The following RAB3C variants were observed in gnomAD, a reference collection of about 807,000 sequenced individuals.
The protein encoded by RAB3C is RAB3C, member RAS oncogene family.
In RAB3C, 17 loss-of-function variants were observed where a neutral mutation model predicts 26.4. The ratio of observed to expected loss-of-function variants is 0.64; its 90% CI spans 0.44 to 0.97. RAB3C has a LOEUF of 0.97. Among genes scored for constraint, RAB3C ranks in the 50% least tolerant of loss-of-function variants. RAB3C has a pLI of 0.00. For missense variants in RAB3C, 242 were observed against 281.9 expected, an observed-to-expected ratio of 0.86 and a Z score of 1.01; for synonymous variants, 91 against 95.9, an observed-to-expected ratio of 0.95 and a Z score of 0.30.
At chr5:58,616,001 C>CACAT (rs1746818105) in intron 1 of RAB3C, among the ~76,000 whole-genome samples, 1 of 151,732 alleles carries the variant, frequency 6.6e-6, no homozygotes, top group Non-Finnish European at 1.5e-5. Context: ...CACACACACA[C>CACAT]ACACACACAC....
chr5:58,743,967 A>G (rs577767749), intron 3 of RAB3C, among the ~76,000 whole-genome samples: 1 of 152,314 alleles, frequency 6.6e-6, no homozygotes, highest in South Asian at 2.1e-4. Flanking sequence ...CCTTACCTCT[A>G]TGGCCAATAC....
Position 58,858,533 on chromosome 5 carries a change from C to G in RAB3C, c.*7182C>G, listed in dbSNP as rs1040989514. On this transcript the variant is annotated 3_prime_UTR_variant, in exon 5 of 5. Coordinates refer to ENST00000282878, the MANE Select transcript of RAB3C (RefSeq NM_138453.4). ...TAGGTTATGTCAGGGTATAGGAACA[C>G]AGAGAATGGGGGACCTGTAAGAACT... 6.6e-6 allele frequency: 1 copy of G among 152,112 alleles called. No homozygotes were observed. Among genetic ancestry groups the G allele is most frequent in the Non-Finnish European group, 1.5e-5 (1 of 68,050 alleles). 9.4% of individuals were successfully genotyped at this position (152,112 alleles called of 1,614,324 possible).
intron 3 of RAB3C, chr5:58,784,796 AC>A (rs532327172): frequency 6.6e-6 from 1 of 152,336 alleles, no homozygotes; most frequent in South Asian, 2.1e-4. Flanking sequence ...TCATTAGCAT[AC>A]TTCCATAGGC....
chr5:58,618,955 C>CA (rs1211302098), intron 2 of RAB3C, among the ~76,000 whole-genome samples: 27 of 151,934 alleles, frequency 1.8e-4, no homozygotes, highest in African/African-American at 5.8e-4. Context: ...AAGCTAAAAA[C>CA]AAAAAACAAA....
At position 58,586,312 on chromosome 5, in the gene RAB3C, C is replaced by T. The variant is rs997826904; in HGVS notation, c.24+3080C>T. Among the ~76,000 whole-genome samples, 6 of 152,024 alleles carry T rather than the reference C, an allele frequency of 3.9e-5. No individual in the cohort carries two copies. In the East Asian group the frequency reaches 5.8e-4, roughly 15 times the overall value. The stretch of plus-strand genomic sequence containing the variant: ...TCCCACTAGGATAGAGTAAAATTTC[C>T]GCCAGATCTCTCTGTCTGGAAAACC... On this transcript the variant is annotated intron_variant, in intron 1 of 4. Coordinates refer to ENST00000282878, the MANE Select transcript of RAB3C (RefSeq NM_138453.4).
rs953052396 is a variant in RAB3C, at chr5:58,810,934, T to C, written c.372-14104T>C. Among the ~76,000 whole-genome samples the C allele has an allele frequency of 2.6e-5, 4 of 152,302 alleles. No individual in the cohort carries two copies. In the South Asian group the frequency reaches 8.3e-4, roughly 32 times the overall value. ...ATTTTAATGGTGCACTTCTGAAATT[T>C]GCTCCCACCAAAACGGCACAACCAT... On this transcript the variant is annotated intron_variant, in intron 3 of 4. Transcript: ENST00000282878.
At chr5:58,582,403 CT>C, upstream of RAB3C, 2 of 985,398 alleles carry the variant, frequency 2.0e-6, no homozygotes, top group Non-Finnish European at 2.4e-6. Context: ...TGTAATGGAG[CT>C]GTATGGAAAG....
At chr5:58,790,655 G>A (rs367602260) in intron 3 of RAB3C, among the ~76,000 whole-genome samples, 4 of 152,100 alleles carry the variant, frequency 2.6e-5, no homozygotes, top group South Asian at 2.1e-4. Context: ...CTGCTTCCCC[G>A]TTGATGCAAG....
At chr5:58,817,905 A>G (rs1743251623) in intron 3 of RAB3C, among the ~76,000 whole-genome samples, 1 of 152,256 alleles carries the variant, frequency 6.6e-6, no homozygotes, top group South Asian at 2.1e-4. Context: ...AGGCTGTGAT[A>G]CTAAAAAGCC....
intron 3 of RAB3C, among the ~76,000 whole-genome samples, chr5:58,734,439 C>G (rs1056474334): frequency 1.3e-5 from 2 of 152,026 alleles, no homozygotes; most frequent in African/African-American, 4.8e-5. Context: ...GAATTCTGCC[C>G]CCAGACTCTC....
intron 2 of RAB3C, among the ~76,000 whole-genome samples, chr5:58,654,391 T>C (rs984031113): frequency 6.6e-6 from 1 of 152,198 alleles, no homozygotes; most frequent in Non-Finnish European, 1.5e-5. Flanking sequence ...AATTTTACTT[T>C]ACCCTACAAG....
intron 3 of RAB3C, among the ~76,000 whole-genome samples, chr5:58,754,949 C>A (rs1042823124): frequency 1.3e-5 from 2 of 151,640 alleles, no homozygotes; most frequent in African/African-American, 4.9e-5. Flanking sequence ...AATTCCAATT[C>A]CAAGCAACTT....
chr5:58,611,136 G>A (rs1001709638), intron 1 of RAB3C, among the ~76,000 whole-genome samples: 5 of 152,116 alleles, frequency 3.3e-5, no homozygotes, highest in African/African-American at 1.2e-4. Flanking sequence ...ACCATTGGTG[G>A]GCATTTAGGT....
At chr5:58,638,855 C>T (rs1197315334) in intron 2 of RAB3C, among the ~76,000 whole-genome samples, 1 of 152,212 alleles carries the variant, frequency 6.6e-6, no homozygotes, top group African/African-American at 2.4e-5. Context: ...CCTCTGAGTT[C>T]CCTACAAGGT....
chr5:58,844,050 A>G (rs563514469), intron 4 of RAB3C, among the ~76,000 whole-genome samples: 1 of 152,216 alleles, frequency 6.6e-6, no homozygotes, highest in South Asian at 2.1e-4. Context: ...CTATCTCTAG[A>G]GATATGGAGA....
At chr5:58,586,039 C>T (rs1746001180) in intron 1 of RAB3C, among the ~76,000 whole-genome samples, 1 of 151,964 alleles carries the variant, frequency 6.6e-6, no homozygotes, top group Non-Finnish European at 1.5e-5. Context: ...TCATTTGATT[C>T]AGGAGCCACA....
intron 3 of RAB3C, among the ~76,000 whole-genome samples, chr5:58,798,359 G>A (rs1246879894): frequency 1.3e-5 from 2 of 152,184 alleles, no homozygotes; most frequent in East Asian, 3.8e-4. Context: ...TACTAACCAA[G>A]TGAGCAGAGT....
At chr5:58,800,214 C>A (rs1414014579) in intron 3 of RAB3C, among the ~76,000 whole-genome samples, 1 of 152,220 alleles carries the variant, frequency 6.6e-6, no homozygotes, top group East Asian at 1.9e-4. Flanking sequence ...TATAACTAGT[C>A]ATAAAGCAAA....
At chr5:58,710,599 A>AAAATATATAAATAAATAAAT (rs369239366) in intron 2 of RAB3C, among the ~76,000 whole-genome samples, 1 of 135,578 alleles carries the variant, frequency 7.4e-6, no homozygotes, top group African/African-American at 3.1e-5. Flanking sequence ...ACTCTGTCTC[A>AAAATATATAAATAAATAAAT]AAATAAATAA....
Sources: allele counts gnomAD v4.1 joint callset (sites outside exome capture counted in the v4.1 genomes callset), GRCh38; gene constraint gnomAD v4.1.1; transcripts MANE v1.5; gene names NCBI Gene and HGNC (gene_info 2026-07-23, HGNC 2026-07-21).